CCDC91: variants seen among roughly 807,000 people sequenced by gnomAD.
The protein encoded by CCDC91 is coiled-coil domain containing 91, also known as coiled-coil domain-containing protein 91.
In CCDC91, 48 loss-of-function variants were observed where a neutral mutation model predicts 63.2. That is an observed-to-expected ratio of 0.76 (90% CI 0.60 to 0.97). CCDC91 has a LOEUF of 0.97. Among genes scored for constraint, CCDC91 ranks in the 50% least tolerant of loss-of-function variants. The pLI is 0.00. For synonymous variants in CCDC91, 167 were observed against 165.8 expected (o/e 1.01, Z -0.06); for missense variants, 500 against 494.6 (o/e 1.01, Z -0.10).
At chr12:28,231,111 T>C (rs1352047037) in intron 1 of CCDC91, among the ~76,000 whole-genome samples, 2 of 152,202 alleles carry the variant, frequency 1.3e-5, no homozygotes, top group East Asian at 3.8e-4. Flanking sequence ...ATTTCTTTTC[T>C]TTACTATTAC....
At chr12:28,520,289 T>C (rs1940478183) in intron 12 of CCDC91, among the ~76,000 whole-genome samples, 1 of 152,210 alleles carries the variant, frequency 6.6e-6, no homozygotes, top group African/African-American at 2.4e-5. Flanking sequence ...GGTGTCTCAT[T>C]GTGGTTTTGA....
chr12:28,243,388 G>T (rs1945476712), intron 1 of CCDC91, among the ~76,000 whole-genome samples: 1 of 152,126 alleles, frequency 6.6e-6, no homozygotes, highest in Non-Finnish European at 1.5e-5. Flanking sequence ...ATATGAGAAA[G>T]TTAAACATGT....
chr12:28,473,974 T>TTGTGTG (rs142414549), intron 11 of CCDC91, among the ~76,000 whole-genome samples: 29,231 of 149,620 alleles, frequency 0.2, 3,526 homozygotes, highest in Non-Finnish European at 0.29. Flanking sequence ...GCATGTGTGT[T>TTGTGTG]TGTGTGTGTG....
At chr12:28,304,732 T>C in intron 3 of CCDC91, 1 of 987,072 alleles carries the variant, frequency 1.0e-6, no homozygotes, top group Non-Finnish European at 1.4e-6. Flanking sequence ...TTTAGAAAGT[T>C]AAAATGTATA....
At chr12:28,439,164 T>C (rs964879276) in intron 8 of CCDC91, among the ~76,000 whole-genome samples, 1 of 152,160 alleles carries the variant, frequency 6.6e-6, no homozygotes, top group African/African-American at 2.4e-5. Context: ...GGCTATTTGG[T>C]TGAAGTAAAT....
intron 1 of CCDC91, among the ~76,000 whole-genome samples, chr12:28,191,926 T>C (rs1328063077): frequency 6.6e-6 from 1 of 152,162 alleles, no homozygotes; most frequent in Non-Finnish European, 1.5e-5. Flanking sequence ...GGGTGTTCTG[T>C]GGGCTGGGAA....
chr12:28,479,320 G>A (rs562662774), intron 11 of CCDC91, among the ~76,000 whole-genome samples: 70 of 152,240 alleles, frequency 4.6e-4, no homozygotes, highest in African/African-American at 1.7e-3. Context: ...GTAGGGACAT[G>A]GATGAAGCTG....
At position 28,422,610 on chromosome 12, in the gene CCDC91, A is replaced by T. The variant is rs1948077458; in HGVS notation, c.763-27551A>T. Among the ~76,000 whole-genome samples the T allele has an allele frequency of 1.3e-5, 2 of 152,064 alleles. 1 individual carries two copies. Among genetic ancestry groups the T allele is most frequent in the African/African-American group, 4.8e-5 (2 of 41,440 alleles). The stretch of plus-strand genomic sequence containing the variant: ...TCCCAAATGTATATAGTTATATGTT[A>T]GCAGATTGTGGCTAGCCATAAAATT... On this transcript the variant is annotated intron_variant, in intron 8 of 12. Transcript: ENST00000536442.
intron 12 of CCDC91, among the ~76,000 whole-genome samples, chr12:28,540,069 G>A (rs1009124013): frequency 4.6e-5 from 7 of 152,076 alleles, no homozygotes; most frequent in Admixed American, 2.6e-4. Flanking sequence ...TATCAGTAGT[G>A]GAAATATGAA....
chr12:28,232,859 T>TAA (rs911138590), intron 1 of CCDC91, among the ~76,000 whole-genome samples: 3 of 151,430 alleles, frequency 2.0e-5, no homozygotes, highest in African/African-American at 7.3e-5. Context: ...TGCATGCCTG[T>TAA]AATCCCAGCT....
At chr12:28,238,832 T>C (rs1945137674) in intron 1 of CCDC91, among the ~76,000 whole-genome samples, 1 of 152,052 alleles carries the variant, frequency 6.6e-6, no homozygotes. Flanking sequence ...TAAAAATGTG[T>C]GTGGCAGCCA....
intron 11 of CCDC91, among the ~76,000 whole-genome samples, chr12:28,461,511 A>G (rs1950309840): frequency 6.6e-6 from 1 of 152,032 alleles, no homozygotes; most frequent in South Asian, 2.1e-4. Context: ...ATCCTTTTAC[A>G]ATACATTTAA....
chr12:28,383,390 C>T (rs1159727993), intron 7 of CCDC91, among the ~76,000 whole-genome samples: 4 of 152,154 alleles, frequency 2.6e-5, no homozygotes, highest in Admixed American at 1.3e-4. Context: ...CTCAACTTGA[C>T]CTTGCTACTT....
At chr12:28,282,578 C>G (rs1474758375) in intron 3 of CCDC91, among the ~76,000 whole-genome samples, 1 of 152,054 alleles carries the variant, frequency 6.6e-6, no homozygotes, top group Admixed American at 6.6e-5. Flanking sequence ...CATACACTTG[C>G]AGATGTCTTT....
intron 12 of CCDC91, 35 bp from the exon 13 acceptor site, chr12:28,549,028 T>G: frequency 7.2e-7 from 1 of 1,398,248 alleles, no homozygotes; most frequent in African/African-American, 1.4e-5. Context: ...GTATTTTTTT[T>G]TCTCTTTCTC....
At chr12:28,476,813 A>T (rs1254640297) in intron 11 of CCDC91, among the ~76,000 whole-genome samples, 3 of 152,218 alleles carry the variant, frequency 2.0e-5, no homozygotes, top group Non-Finnish European at 2.9e-5. Context: ...ACAGAAATAC[A>T]AACTACCATC....
chr12:28,295,053 G>A (rs1949477863), intron 3 of CCDC91, among the ~76,000 whole-genome samples: 2 of 152,152 alleles, frequency 1.3e-5, no homozygotes, highest in African/African-American at 2.4e-5. Flanking sequence ...CATTGTCTTT[G>A]AGTTATTTTA....
chr12:28,372,496 C>T (rs1944679225), intron 7 of CCDC91, among the ~76,000 whole-genome samples: 1 of 151,800 alleles, frequency 6.6e-6, no homozygotes. Context: ...GTCATTAATG[C>T]TTTTTTTTAA....
At chr12:28,253,250 AGAG>A (rs752544048) in intron 1 of CCDC91, among the ~76,000 whole-genome samples, 21 of 152,148 alleles carry the variant, frequency 1.4e-4, no homozygotes, top group Non-Finnish European at 2.6e-4. Context: ...TCTTCTGACT[AGAG>A]GTTTCAGCCC....
Sources: allele counts gnomAD v4.1 joint callset (sites outside exome capture counted in the v4.1 genomes callset), GRCh38; gene constraint gnomAD v4.1.1; transcripts MANE v1.5; gene names NCBI Gene and HGNC (gene_info 2026-07-23, HGNC 2026-07-21).